TNRC18: variants seen among roughly 807,000 people sequenced by gnomAD.
TNRC18 encodes trinucleotide repeat-containing gene 18 protein.
In TNRC18, 69 loss-of-function variants were observed where a neutral mutation model predicts 226.7. The observed-to-expected ratio is 0.30, with a 90% CI of 0.25 to 0.37. The LOEUF is 0.37. Among genes scored for constraint, TNRC18 ranks in the 10% least tolerant of loss-of-function variants. The pLI is 1.00. For missense variants in TNRC18, 4,754 were observed against 4,256.6 expected (o/e 1.12, Z -3.25); for synonymous variants, 2,449 against 1,927.6 (o/e 1.27, Z -7.09).
intron 2 of TNRC18, among the ~76,000 whole-genome samples, chr7:5,400,096 T>C (rs1204934133): frequency 6.6e-6 from 1 of 152,098 alleles, no homozygotes; most frequent in Admixed American, 6.6e-5. Flanking sequence ...GATCTCACTA[T>C]GTTGCGAAGT....
intron 15 of TNRC18, among the ~76,000 whole-genome samples, chr7:5,357,623 C>T (rs1309250045): frequency 2.0e-5 from 3 of 152,172 alleles, no homozygotes; most frequent in Non-Finnish European, 2.9e-5. Flanking sequence ...GCTGGGAATA[C>T]AGGCGTGCGC....
chr7:5,422,130 C>G (rs912893267), intron 1 of TNRC18, among the ~76,000 whole-genome samples: 1 of 152,000 alleles, frequency 6.6e-6, no homozygotes, highest in Non-Finnish European at 1.5e-5. Flanking sequence ...ACTGTGAGTC[C>G]CAGAGCTCGA....
chr7:5,315,828 G>C, intron 25 of TNRC18, 128 bp downstream of exon 25: 1 of 653,284 alleles, frequency 1.5e-6, no homozygotes, highest in Non-Finnish European at 2.5e-6. Flanking sequence ...CCCACCCATG[G>C]CTTCTGCTGC....
chr7:5,357,231 C>A lies in TNRC18; in HGVS notation c.4879G>T (p.Ala1627Ser). 1 of 1,612,554 alleles carries A rather than the reference C, an allele frequency of 6.2e-7. No homozygotes were observed. The highest frequency in any genetic ancestry group is 8.5e-7 in the Non-Finnish European group (1 of 1,179,422). ...GAGAGGGCCTTGTCGAGCTTGCTTG[C>A]CAACTGCTCCTGGTCGCTGGCCATC... ...KKMASDQEQL[A>S]SKLDKALSLT... The change falls in exon 16 of 30, where the codon GCA becomes TCA. Residue 1627 changes from alanine to serine, a missense_variant. Ala to Ser is a moderately conservative substitution (Grantham distance 99, BLOSUM62 1). Transcript: ENST00000430969.
chr7:5,403,977 T>C (rs1324848820), intron 2 of TNRC18, among the ~76,000 whole-genome samples: 1 of 152,178 alleles, frequency 6.6e-6, no homozygotes, highest in Non-Finnish European at 1.5e-5. Context: ...TAGAATGACC[T>C]TCAAACTCCC....
At chr7:5,336,205 TTAA>T (rs1790105743) in intron 18 of TNRC18, among the ~76,000 whole-genome samples, 1 of 148,008 alleles carries the variant, frequency 6.8e-6, no homozygotes. Flanking sequence ...AGACTCTGTT[TTAA>T]AAAAAAAAAA....
chr7:5,361,826 G>A (rs1327327385), intron 13 of TNRC18, 71 bp downstream of exon 13: 40 of 1,511,910 alleles, frequency 2.6e-5, no homozygotes, highest in Non-Finnish European at 2.8e-5. Context: ...ACACCTCGAC[G>A]GCTGCTGCGC....
At position 5,327,357 on chromosome 7, in the gene TNRC18, ATGTGTGTGTTTGTGCGTG is replaced by A. The variant is rs1489955338; in HGVS notation, c.6148-2127_6148-2110del. Among the ~76,000 whole-genome samples the A allele has an allele frequency of 2.0e-5, 3 of 147,910 alleles. No individual in the cohort carries two copies. In the East Asian group the frequency reaches 6.0e-4, roughly 30 times the overall value. On this transcript the variant is annotated intron_variant, in intron 19 of 29. Transcript: ENST00000430969. ...CCCATTTTGGGGGGGAAAAATATAT[ATGTGTGTGTTTGTGCGTG>A]TGTGTGTGTGTGTGTGTGTGTGTGT...
chr7:5,373,631 AG>A (rs1794362248), intron 10 of TNRC18, among the ~76,000 whole-genome samples: 1 of 152,204 alleles, frequency 6.6e-6, no homozygotes, highest in Non-Finnish European at 1.5e-5. Context: ...CACCTGCTGC[AG>A]GTCCCCTCTG....
At chr7:5,395,766 C>T (rs1003689030) in intron 2 of TNRC18, among the ~76,000 whole-genome samples, 7 of 152,164 alleles carry the variant, frequency 4.6e-5, no homozygotes, top group East Asian at 1.9e-4. Flanking sequence ...CCAAGGCAGG[C>T]GAATCACAAG....
In TNRC18 at chr7:5,313,138, C is replaced by T; in HGVS notation, c.7753G>A (p.Glu2585Lys). 2 of 1,517,056 alleles carry T rather than the reference C, an allele frequency of 1.3e-6. No homozygotes were observed. Among genetic ancestry groups the T allele is most frequent in the Non-Finnish European group, 1.8e-6 (2 of 1,124,130 alleles). The allele number at this position is 1,517,056 out of a possible 1,614,324, so 94.0% of individuals were successfully genotyped here. A position where few individuals can be genotyped will look rare whatever the true frequency, so the allele number is the denominator to read the frequency against. ...CCGTCCCCGTTCTTGTCGCCTTCCTCCTCCCCTTCTGTCTCCGAGCCGCTG... is the reference window on the plus strand; with the variant it reads ...CCGTCCCCGTTCTTGTCGCCTTCCTTCTCCCCTTCTGTCTCCGAGCCGCTG... ...SSSGSETEGE[E>K]EGDKNGDGGC... Residue 2585 changes from glutamate to lysine, a missense_variant, in exon 27 of 30, where the codon GAG becomes AAG. Glu to Lys is a moderately conservative substitution (Grantham distance 56, BLOSUM62 1). Transcript: ENST00000430969.
chr7:5,359,129 G>A (rs1199247423), intron 15 of TNRC18, among the ~76,000 whole-genome samples: 1 of 152,136 alleles, frequency 6.6e-6, no homozygotes, highest in Non-Finnish European at 1.5e-5. Context: ...TTTAGCAAAG[G>A]GTCATGCAGC....
chr7:5,357,727 C>T (rs1410615537), intron 15 of TNRC18, among the ~76,000 whole-genome samples: 1 of 152,132 alleles, frequency 6.6e-6, no homozygotes, highest in African/African-American at 2.4e-5. Context: ...AGGCTCAAGC[C>T]ATTCTCCCAC....
chr7:5,346,504 T>A (rs1791214401), intron 17 of TNRC18, among the ~76,000 whole-genome samples: 1 of 151,728 alleles, frequency 6.6e-6, no homozygotes. Flanking sequence ...CTCAAAAAAA[T>A]AAAATAAAAT....
intron 2 of TNRC18, among the ~76,000 whole-genome samples, chr7:5,415,527 G>A (rs1782127969): frequency 6.6e-6 from 1 of 151,328 alleles, no homozygotes. Flanking sequence ...ACAGGCACCC[G>A]CCACCACACC....
chr7:5,317,322 G>A (rs923390345), intron 24 of TNRC18, among the ~76,000 whole-genome samples: 19 of 152,180 alleles, frequency 1.2e-4, no homozygotes, highest in Admixed American at 9.8e-4. Flanking sequence ...TGGCGCAGTG[G>A]CTCACGCCTG....
chr7:5,308,676 A>G (rs1032852502), intron 29 of TNRC18, among the ~76,000 whole-genome samples, 199 bp downstream of exon 29: 1 of 152,200 alleles, frequency 6.6e-6, no homozygotes, highest in East Asian at 1.9e-4. Flanking sequence ...GGGAGAGCAG[A>G]GAAGACCCAG....
chr7:5,387,704 T>C lies in TNRC18; in HGVS notation c.2120A>G (p.Gln707Arg). 1 of 1,605,576 alleles carries C rather than the reference T, an allele frequency of 6.2e-7. No individual in the cohort carries two copies. The highest frequency in any genetic ancestry group is 8.5e-7 in the Non-Finnish European group (1 of 1,179,834). Residue 707 changes from glutamine to arginine, a missense_variant, in exon 5 of 30, where the codon CAG becomes CGG. By Grantham distance (43) the Gln-to-Arg change is conservative. Coordinates refer to ENST00000430969, the MANE Select transcript of TNRC18 (RefSeq NM_001080495.3). ...SGRLGPGLVD[Q>R]ERSLSLSNVK... ...GTTACTCAGCGACAGAGAGCGCTCC[T>C]GGTCTACCAGCCCAGGCCCCAGCCG...
chr7:5,402,036 G>A lies in TNRC18; in HGVS notation c.188-7441C>T, dbSNP rs1311433220. 4.6e-5 allele frequency among the ~76,000 whole-genome samples: 7 copies of A among 152,056 alleles called. No individual in the cohort carries two copies. In the South Asian group the frequency reaches 1.0e-3, roughly 23 times the overall value. ...TAAAAACAAAAAGAAAAAATTAGCT[G>A]GGCGTGGTGGCGGGCCCCTGTAGTC... On this transcript the variant is annotated intron_variant, in intron 2 of 29. Coordinates refer to ENST00000430969, the MANE Select transcript of TNRC18 (RefSeq NM_001080495.3).
Sources: allele counts gnomAD v4.1 joint callset (sites outside exome capture counted in the v4.1 genomes callset), GRCh38; gene constraint gnomAD v4.1.1; transcripts MANE v1.5; gene names NCBI Gene and HGNC (gene_info 2026-07-23, HGNC 2026-07-21).